Variants in AMOT observed in about 807,000 individuals in gnomAD.
The protein encoded by AMOT is angiomotin.
In AMOT, 11 loss-of-function variants were observed where a neutral mutation model predicts 67.0. The ratio of observed to expected loss-of-function variants is 0.16; its 90% CI spans 0.10 to 0.27. The LOEUF is 0.27. Ranked by LOEUF, AMOT falls within the 10% of genes least tolerant of loss-of-function variation. The pLI, the probability that AMOT is intolerant of heterozygous loss-of-function variation, is 1.00. For missense variants in AMOT, 753 were observed against 852.0 expected (o/e 0.88, Z 1.45); for synonymous variants, 326 against 321.4 (o/e 1.01, Z -0.15).
intron 10 of AMOT, among the ~76,000 whole-genome samples, chrX:112,788,408 A>G (rs1191351163): frequency 9.0e-6 from 1 of 111,633 alleles, no homozygotes; most frequent in Non-Finnish European, 1.9e-5. Flanking sequence ...GAAGAGGAAA[A>G]CAAGTAGACA....
chrX:112,787,148 G>A (rs1435647299), intron 10 of AMOT, among the ~76,000 whole-genome samples: 1 of 112,128 alleles, frequency 8.9e-6, no homozygotes, highest in East Asian at 2.8e-4. Flanking sequence ...CCTTTGACAA[G>A]AGGTGTATCA....
rs199610018 is a variant in AMOT at position 112,802,035 on chromosome X, CA to C, written c.1776+2911del. The stretch of plus-strand genomic sequence containing the variant: ...ACACAGGCAGGTTATCTAACATATC[CA>C]TGTGCCTTCAAAAACAGCCTTACTT... On this transcript the variant is annotated intron_variant, in intron 8 of 13. Coordinates refer to ENST00000371959, the MANE Select transcript of AMOT (RefSeq NM_001113490.2). Among the ~76,000 whole-genome samples the C allele has an allele frequency of 9.1e-3, 1,026 of 112,303 alleles. 6 individuals are homozygous for C. Among genetic ancestry groups the C allele is most frequent in the Non-Finnish European group, 0.015 (776 of 53,213 alleles).
chrX:112,832,140 T>G (rs904697230), intron 2 of AMOT, among the ~76,000 whole-genome samples, 154 bp downstream of exon 2: 6 of 111,551 alleles, frequency 5.4e-5, no homozygotes, highest in Non-Finnish European at 9.4e-5. Context: ...ATTGTATGCA[T>G]CCCAATACCT....
chrX:112,813,442 T>C lies in AMOT; in HGVS notation c.1392+1916A>G, dbSNP rs1392100435. Among the ~76,000 whole-genome samples, 3 of 111,237 alleles carry C rather than the reference T, an allele frequency of 2.7e-5. No individual in the cohort carries two copies. In the South Asian group the frequency reaches 1.1e-3, roughly 42 times the overall value. ...AGCACTACCTGGGATCTACCTTAAT[T>C]TTCCCCACTTTCCTTTTCCTCTCCT... is the stretch of plus-strand genomic sequence containing the variant. On this transcript the variant is annotated intron_variant, in intron 5 of 13. Coordinates refer to ENST00000371959, the MANE Select transcript of AMOT (RefSeq NM_001113490.2).
intron 11 of AMOT, among the ~76,000 whole-genome samples, chrX:112,781,447 A>G (rs930078907): frequency 1.3e-3 from 140 of 105,537 alleles, no homozygotes; most frequent in African/African-American, 4.7e-3. Context: ...CCATCTCAAA[A>G]AAAAAAAAAA....
At chrX:112,817,448 T>C (rs766519672) in intron 4 of AMOT, among the ~76,000 whole-genome samples, 1 of 112,397 alleles carries the variant, frequency 8.9e-6, no homozygotes, top group East Asian at 2.8e-4. Context: ...TTAACTGGCA[T>C]TCCAGATGCT....
intron 1 of AMOT, among the ~76,000 whole-genome samples, chrX:112,838,283 CTT>C (rs1235450947): frequency 2.7e-5 from 3 of 111,702 alleles, no homozygotes; most frequent in African/African-American, 9.8e-5. Context: ...AGAAACCCCT[CTT>C]GTCTCCAAAT....
chrX:112,788,910 T>C (rs1271949742), intron 10 of AMOT, among the ~76,000 whole-genome samples: 1 of 112,489 alleles, frequency 8.9e-6, no homozygotes, highest in East Asian at 2.8e-4. Flanking sequence ...AGCCAACAGA[T>C]TCTGAAAATC....
At position 112,815,597 on chromosome X, in the gene AMOT, G is replaced by C. The variant is rs1934523985; in HGVS notation, c.1153C>G (p.His385Asp). Reference protein sequence around the residue: ...SQQQQQQQQQHHHHHHHQQQQ... With the variant: ...SQQQQQQQQQDHHHHHHQQQQ... ...TGTTGGTGGTGATGGTGATGATGGT[G>C]CTGCTGCTGCTGTTGCTGCTGCTGC... Residue 385 changes from histidine to aspartate, a missense_variant, in exon 5 of 14, where the codon CAC becomes GAC. Around this residue, in one of 5 missense-constraint regions of AMOT, gnomAD observed 297 missense variants for 284.3 expected, o/e 1.04. Transcript: ENST00000371959. 1 of 1,203,898 alleles carries C rather than the reference G, an allele frequency of 8.3e-7. No homozygotes were observed. The highest frequency in any genetic ancestry group is 1.1e-6 in the Non-Finnish European group (1 of 891,346).
intron 13 of AMOT, 63 bp downstream of exon 13, chrX:112,778,934 G>T (rs1933012461): frequency 2.8e-6 from 3 of 1,065,520 alleles, no homozygotes; most frequent in African/African-American, 3.7e-5. Flanking sequence ...CAGACAACAA[G>T]AAATAAATCT....
chrX:112,816,264 G>A (rs1409709710), intron 4 of AMOT, among the ~76,000 whole-genome samples: 1 of 111,285 alleles, frequency 9.0e-6, no homozygotes, highest in East Asian at 2.8e-4. Flanking sequence ...AACCTTTTCT[G>A]ACATTATACA....
intron 10 of AMOT, among the ~76,000 whole-genome samples, chrX:112,790,118 G>C (rs1325149221): frequency 1.9e-5 from 2 of 105,403 alleles, no homozygotes; most frequent in Non-Finnish European, 3.9e-5. Context: ...CCTTCCCAAA[G>C]GGCAGGGATG....
At chrX:112,819,199 C>G (rs1219488862) in intron 4 of AMOT, 3 of 221,829 alleles carry the variant, frequency 1.4e-5, no homozygotes, top group Non-Finnish European at 6.5e-6. Context: ...CCCAGCCACA[C>G]ACACATGCAC....
intron 8 of AMOT, 49 bp downstream of exon 8, chrX:112,804,898 T>TTCCCCCCCCCCCC: frequency 1.2e-6 from 1 of 837,582 alleles, no homozygotes; most frequent in Non-Finnish European, 1.7e-6. Flanking sequence ...GTCCCCGATT[T>TTCCCCCCCCCCCC]CCCAGCCCTC....
intron 8 of AMOT, among the ~76,000 whole-genome samples, chrX:112,803,349 G>T (rs1486308675): frequency 9.0e-6 from 1 of 111,681 alleles, no homozygotes; most frequent in Non-Finnish European, 1.9e-5. Context: ...TTCTCTAAAA[G>T]AATTCAGTCT....
chrX:112,814,029 T>G (rs1317082028), intron 5 of AMOT, among the ~76,000 whole-genome samples: 4 of 111,518 alleles, frequency 3.6e-5, no homozygotes, highest in Non-Finnish European at 7.5e-5. Flanking sequence ...TCCCAGCACT[T>G]TGGGAGACCA....
chrX:112,776,582 C>T lies in AMOT; in HGVS notation c.*1985G>A, dbSNP rs1321680919. ...CTCTACACACACACAGGCACACACACAAAATAATTCCTTTGGAAGATAATT... is the reference window on the plus strand; with the variant it reads ...CTCTACACACACACAGGCACACACATAAAATAATTCCTTTGGAAGATAATT... On this transcript the variant is annotated 3_prime_UTR_variant, in exon 14 of 14. Coordinates refer to ENST00000371959, the MANE Select transcript of AMOT (RefSeq NM_001113490.2). 2 of 111,616 alleles carry T rather than the reference C, an allele frequency of 1.8e-5. No individual in the cohort carries two copies. Among genetic ancestry groups the T allele is most frequent in the Non-Finnish European group, 3.8e-5 (2 of 53,061 alleles). The allele number at this position is 111,616 out of a possible 1,213,427, so 9.2% of individuals were successfully genotyped here. A position where few individuals can be genotyped will look rare whatever the true frequency, so the allele number is the denominator to read the frequency against.
intron 8 of AMOT, among the ~76,000 whole-genome samples, chrX:112,792,764 G>A (rs1042896744): frequency 8.1e-5 from 9 of 111,361 alleles, no homozygotes; most frequent in Admixed American, 1.9e-4. Context: ...AAAAGATCCC[G>A]AAAGCCTCAA....
At position 112,792,022 on chromosome X, in the gene AMOT, A is replaced by G. The variant is rs377705396; in HGVS notation, c.1777-41T>C. On this transcript the variant is annotated intron_variant, in intron 8 of 13. Coordinates refer to ENST00000371959, the MANE Select transcript of AMOT (RefSeq NM_001113490.2). ...GGGTAATTTGCAAGGTGAAAGGAAA[A>G]ACAGCAAGCAACAGGGTCAATTATG... The G allele has an allele frequency of 2.5e-6, 3 of 1,188,753 alleles. No homozygotes were observed. In the African/African-American group the frequency reaches 5.3e-5, roughly 21 times the overall value.
Sources: gnomAD v4.1 joint callset for allele counts (sites outside exome capture counted in the v4.1 genomes callset) on GRCh38, gnomAD v4.1.1 for gene constraint, gnomAD v4.1.1 regional missense constraint, MANE v1.5 for transcripts, NCBI Gene and HGNC (gene_info 2026-07-23, HGNC 2026-07-21) for gene names.